DNAI1: variants seen among roughly 807,000 people sequenced by gnomAD.
DNAI1 encodes dynein, axonemal, intermediate polypeptide 1.
DNAI1 carries 67 observed loss-of-function variants against 92.0 expected under a neutral mutation model. The observed-to-expected ratio is 0.73, with a 90% CI of 0.60 to 0.89. The LOEUF (loss-of-function observed/expected upper bound fraction) is 0.89. Ranked by LOEUF, DNAI1 falls within the 40% of genes least tolerant of loss-of-function variation. The pLI, the probability that DNAI1 is intolerant of heterozygous loss-of-function variation, is 0.00. For synonymous variants in DNAI1, 323 were observed against 319.6 expected (o/e 1.01, Z -0.11); for missense variants, 839 against 866.6 (o/e 0.97, Z 0.40).
At chr9:34,490,282 C>G in intron 6 of DNAI1, 87 bp from the exon 7 acceptor site, 4 of 1,611,490 alleles carry the variant, frequency 2.5e-6, no homozygotes, top group Non-Finnish European at 3.4e-6. Flanking sequence ...TACCTCTGTC[C>G]TATCCTAGGA....
intron 1 of DNAI1, 74 bp from the exon 2 acceptor site, chr9:34,483,374 C>T: frequency 6.8e-7 from 1 of 1,467,234 alleles, no homozygotes; most frequent in South Asian, 1.2e-5. Context: ...CAGGAGCCTC[C>T]CTGAAATACT....
At chr9:34,508,494 T>C (rs2132078294) in intron 13 of DNAI1, among the ~76,000 whole-genome samples, 1 of 152,142 alleles carries the variant, frequency 6.6e-6, no homozygotes, top group East Asian at 1.9e-4. Flanking sequence ...CACATGTAGG[T>C]CTCCAGGCAG....
At chr9:34,496,776 C>G (rs903402032) in intron 9 of DNAI1, among the ~76,000 whole-genome samples, 18 of 152,202 alleles carry the variant, frequency 1.2e-4, no homozygotes, top group African/African-American at 4.1e-4. Context: ...TCTGCTCTCC[C>G]CTGCAGACCC....
intron 1 of DNAI1, among the ~76,000 whole-genome samples, chr9:34,472,616 A>G (rs1372258289): frequency 6.6e-6 from 1 of 152,164 alleles, no homozygotes; most frequent in Non-Finnish European, 1.5e-5. Context: ...CATTTAATAC[A>G]TTAGGCTGGG....
At chr9:34,520,231 C>G (rs1825244246) in intron 19 of DNAI1, among the ~76,000 whole-genome samples, 1 of 152,136 alleles carries the variant, frequency 6.6e-6, no homozygotes, top group Non-Finnish European at 1.5e-5. Context: ...ACAGCCCCTC[C>G]CTCCCCAAAC....
intron 1 of DNAI1, among the ~76,000 whole-genome samples, chr9:34,465,153 A>C (rs1824014315): frequency 6.6e-6 from 1 of 152,232 alleles, no homozygotes; most frequent in Non-Finnish European, 1.5e-5. Context: ...GAAAAGCTAA[A>C]CTGAATTGAG....
chr9:34,514,305 A>C, intron 16 of DNAI1, 89 bp from the exon 17 acceptor site: 1 of 1,530,336 alleles, frequency 6.5e-7, no homozygotes, highest in African/African-American at 1.4e-5. Context: ...TAAGGACAGG[A>C]GTCTAAGGCT....
At chr9:34,514,578 C>A in intron 17 of DNAI1, 36 bp downstream of exon 17, 4 of 1,614,232 alleles carry the variant, frequency 2.5e-6, no homozygotes, top group Middle Eastern at 1.6e-4. Flanking sequence ...CTGGGGCCCT[C>A]CCCTGGGCTA....
At chr9:34,465,051 T>TA (rs1824011839) in intron 1 of DNAI1, among the ~76,000 whole-genome samples, 1 of 152,242 alleles carries the variant, frequency 6.6e-6, no homozygotes, top group Admixed American at 6.5e-5. Flanking sequence ...TGCATGTTGC[T>TA]AAGGTGTCAA....
rs547499630 is a variant in DNAI1 at position 34,514,694 on chromosome 9, G to A, written c.1773G>A (p.Ala591=). 1.4e-5 allele frequency: 23 copies of A among 1,613,986 alleles called. No individual in the cohort carries two copies. The highest frequency in any genetic ancestry group is 1.8e-5 in the Non-Finnish European group (21 of 1,180,044). ...LNSAVGDVAW[A]PYSSTVFAAV... Reference sequence around the variant, plus strand: ...CAGCCGTGGGTGATGTGGCCTGGGCGCCATACTCTTCTACTGTGTTCGCAG... The same window carrying A: ...CAGCCGTGGGTGATGTGGCCTGGGCACCATACTCTTCTACTGTGTTCGCAG... The change falls in exon 18 of 20, where the codon GCG becomes GCA. Residue 591 remains alanine (A), a synonymous_variant. Transcript: ENST00000242317.
At chr9:34,517,186 C>A in intron 18 of DNAI1, 99 bp from the exon 19 acceptor site, 1 of 1,337,778 alleles carries the variant, frequency 7.5e-7, no homozygotes, top group Non-Finnish European at 1.0e-6. Context: ...AGCCATTAGC[C>A]TTCTACAGTC....
At chr9:34,505,328 A>C (rs1174824384) in intron 12 of DNAI1, among the ~76,000 whole-genome samples, 1 of 151,904 alleles carries the variant, frequency 6.6e-6, no homozygotes, top group Non-Finnish European at 1.5e-5. Context: ...AATCATTCTG[A>C]CATCTGCTTC....
At chr9:34,466,616 G>T (rs1824043050) in intron 1 of DNAI1, among the ~76,000 whole-genome samples, 1 of 152,190 alleles carries the variant, frequency 6.6e-6, no homozygotes, top group African/African-American at 2.4e-5. Flanking sequence ...GATAAAAGAG[G>T]ATGAGAGAAG....
Position 34,513,148 on chromosome 9 carries a change from A to G in DNAI1, c.1526A>G (p.Asp509Gly), listed in dbSNP as rs370155789. The G allele has an allele frequency of 1.9e-6, 3 of 1,614,010 alleles. No homozygotes were observed. The highest frequency in any genetic ancestry group is 2.7e-5 in the African/African-American group (2 of 74,882). The change falls in exon 16 of 20, where the codon GAC (aspartate) becomes GGC (glycine). Residue 509 changes from aspartate to glycine, a missense_variant. By Grantham distance (94) the Asp-to-Gly change is moderately conservative. Coordinates refer to ENST00000242317, the MANE Select transcript of DNAI1 (RefSeq NM_012144.4). ...GTAFDFHKEI[D>G]YMFLVGTEEG... Reference sequence around the variant, plus strand: ...GCCTTTGACTTCCACAAAGAGATTGACTACATGTTCCTAGTGGGCACAGAG... The same window carrying G: ...GCCTTTGACTTCCACAAAGAGATTGGCTACATGTTCCTAGTGGGCACAGAG...
chr9:34,492,527 T>TATATATAGATATATATATCTATATATAG (rs1564033959), intron 8 of DNAI1, among the ~76,000 whole-genome samples: 4 of 103,398 alleles, frequency 3.9e-5, no homozygotes, highest in African/African-American at 1.4e-4. Context: ...TATATATATA[T>TATATATAGATATATATATCTATATATAG]ATATATATTT....
intron 13 of DNAI1, among the ~76,000 whole-genome samples, chr9:34,508,054 A>G (rs1239942706): frequency 6.6e-6 from 1 of 151,912 alleles, no homozygotes; most frequent in Non-Finnish European, 1.5e-5. Context: ...GCTGTGTACT[A>G]TTTTTCCATG....
chr9:34,480,363 TG>T (rs1564029806), intron 1 of DNAI1, among the ~76,000 whole-genome samples: 1 of 135,026 alleles, frequency 7.4e-6, no homozygotes, highest in Non-Finnish European at 1.5e-5. Context: ...CTGCAACCCC[TG>T]CCTCCTGGGT....
At chr9:34,476,153 A>G (rs1422375034) in intron 1 of DNAI1, among the ~76,000 whole-genome samples, 2 of 152,192 alleles carry the variant, frequency 1.3e-5, no homozygotes, top group African/African-American at 4.8e-5. Context: ...TGACCGTACA[A>G]TGCCCAGCAA....
chr9:34,518,936 G>A (rs1399366585), intron 19 of DNAI1, among the ~76,000 whole-genome samples: 3 of 149,012 alleles, frequency 2.0e-5, no homozygotes, highest in African/African-American at 7.4e-5. Flanking sequence ...GGTCAGACAT[G>A]GGTGGGAGCC....
Sources: gnomAD v4.1 joint callset for allele counts (sites outside exome capture counted in the v4.1 genomes callset) on GRCh38, gnomAD v4.1.1 for gene constraint, MANE v1.5 for transcripts, NCBI Gene and HGNC (gene_info 2026-07-23, HGNC 2026-07-21) for gene names.